Variants in GABRB3 observed in about 807,000 individuals in gnomAD.
GABRB3 encodes the protein gamma-aminobutyric acid type A receptor subunit beta3, also known as gamma-aminobutyric acid receptor subunit beta-3.
Under a neutral mutation model 52.1 loss-of-function variants are expected in GABRB3, and 14 were observed. The ratio of observed to expected loss-of-function variants is 0.27; its 90% CI spans 0.18 to 0.42. GABRB3 has a LOEUF of 0.42. Ranked by LOEUF, GABRB3 falls within the 10% of genes least tolerant of loss-of-function variation. The probability of loss-of-function intolerance (pLI) is 1.00; values close to 1 mark genes in which losing one functional copy is unlikely to be tolerated. For missense variants in GABRB3, 307 were observed against 609.1 expected, an observed-to-expected ratio of 0.50 and a Z score of 5.22; for synonymous variants, 260 against 232.3, an observed-to-expected ratio of 1.12 and a Z score of -1.08.
intron 3 of GABRB3, among the ~76,000 whole-genome samples, chr15:26,715,494 G>A (rs566632502): frequency 3.9e-5 from 6 of 152,232 alleles, no homozygotes; most frequent in African/African-American, 1.2e-4. Context: ...GCACAAAAAT[G>A]CCAAATTATG....
intron 3 of GABRB3, among the ~76,000 whole-genome samples, chr15:26,683,810 C>T (rs1224570812): frequency 6.6e-6 from 1 of 152,084 alleles, no homozygotes; most frequent in Non-Finnish European, 1.5e-5. Flanking sequence ...GAGTGGGGAC[C>T]TGGCTTGTGG....
chr15:26,657,880 A>G (rs1271987487), intron 3 of GABRB3, among the ~76,000 whole-genome samples: 1 of 152,210 alleles, frequency 6.6e-6, no homozygotes, highest in Non-Finnish European at 1.5e-5. Flanking sequence ...CTTTAAAACG[A>G]AGAAGATAAC....
At chr15:26,573,877 C>G (rs2140713777) in intron 6 of GABRB3, among the ~76,000 whole-genome samples, 1 of 152,166 alleles carries the variant, frequency 6.6e-6, no homozygotes, top group East Asian at 1.9e-4. Flanking sequence ...CAGTGAGACT[C>G]CATCTTTACA....
intron 3 of GABRB3, among the ~76,000 whole-genome samples, chr15:26,763,509 G>C (rs563043050): frequency 1.3e-5 from 2 of 152,028 alleles, no homozygotes; most frequent in South Asian, 4.2e-4. Context: ...CTCTCACATA[G>C]AGAATTACAG....
At chr15:26,577,105 T>C (rs757879529) in intron 6 of GABRB3, among the ~76,000 whole-genome samples, 8 of 151,956 alleles carry the variant, frequency 5.3e-5, no homozygotes, top group Non-Finnish European at 7.4e-5. Context: ...ACGTGTGTAA[T>C]TGGGGTTCTA....
chr15:26,587,842 T>A (rs770790238), intron 4 of GABRB3, among the ~76,000 whole-genome samples: 4 of 152,184 alleles, frequency 2.6e-5, no homozygotes, highest in Admixed American at 6.5e-5. Flanking sequence ...TTTTTCGTTC[T>A]GACAGAATAA....
At chr15:26,629,499 T>TG (rs1412411532) in intron 3 of GABRB3, among the ~76,000 whole-genome samples, 2 of 152,214 alleles carry the variant, frequency 1.3e-5, no homozygotes, top group East Asian at 3.9e-4. Flanking sequence ...ACCGAATGTG[T>TG]TGGCAGGAGG....
rs1242593328 is a variant in GABRB3, at chr15:26,621,789, C to T, written c.241-255G>A. 6.6e-6 allele frequency among the ~76,000 whole-genome samples: 1 copy of T among 152,150 alleles called. No individual in the cohort carries two copies. Among genetic ancestry groups the T allele is most frequent in the African/African-American group, 2.4e-5 (1 of 41,426 alleles). On this transcript the variant is annotated intron_variant, in intron 3 of 8. Coordinates refer to ENST00000311550, the MANE Select transcript of GABRB3 (RefSeq NM_000814.6). The surrounding 1 kb of genome is among the most constrained non-coding windows in gnomAD (Gnocchi z 4.1). The stretch of plus-strand genomic sequence containing the variant: ...TACTTAGGTTAAGAAGCAGACTAGA[C>T]AAACTGGCATTTAACAGATAACAGC...
chr15:26,748,053 C>T (rs1236795081), intron 3 of GABRB3, among the ~76,000 whole-genome samples: 1 of 147,332 alleles, frequency 6.8e-6, no homozygotes, highest in East Asian at 2.1e-4. Context: ...AACAGCCTTG[C>T]ACACCTGGAA....
At chr15:26,760,530 C>T (rs914811275) in intron 3 of GABRB3, among the ~76,000 whole-genome samples, 2 of 152,048 alleles carry the variant, frequency 1.3e-5, no homozygotes, top group African/African-American at 4.8e-5. Context: ...AATTAACATT[C>T]CAAACAGTTT....
intron 3 of GABRB3, among the ~76,000 whole-genome samples, chr15:26,744,180 AT>A (rs1179416268): frequency 6.6e-6 from 1 of 152,180 alleles, no homozygotes. Flanking sequence ...GCTCTTATCC[AT>A]GCAATTGGGC....
intron 7 of GABRB3, among the ~76,000 whole-genome samples, chr15:26,563,833 A>G (rs1350484820): frequency 1.3e-5 from 2 of 151,776 alleles, no homozygotes; most frequent in East Asian, 3.9e-4. Context: ...CTTTCTGTAA[A>G]TTGCTAGCCT....
intron 3 of GABRB3, among the ~76,000 whole-genome samples, chr15:26,622,343 G>T (rs1892514899): frequency 6.6e-6 from 1 of 151,670 alleles, no homozygotes; most frequent in African/African-American, 2.4e-5. Flanking sequence ...TCAGAGGCTA[G>T]ACATGGCAGA....
chr15:26,665,123 G>A (rs1205131310), intron 3 of GABRB3, among the ~76,000 whole-genome samples: 2 of 152,060 alleles, frequency 1.3e-5, no homozygotes, highest in African/African-American at 4.8e-5. Context: ...TATTTAAAAT[G>A]TTAAAATACA....
At chr15:26,769,135 A>G (rs1451487511) in intron 3 of GABRB3, among the ~76,000 whole-genome samples, 1 of 152,228 alleles carries the variant, frequency 6.6e-6, no homozygotes, top group African/African-American at 2.4e-5. Flanking sequence ...ATTATCTGTT[A>G]CTGTTCTCTG....
chr15:26,737,845 A>G (rs1381942248), intron 3 of GABRB3, among the ~76,000 whole-genome samples: 1 of 152,134 alleles, frequency 6.6e-6, no homozygotes, highest in Non-Finnish European at 1.5e-5. Context: ...AATAGTTCTG[A>G]AGACATGAAT....
intron 3 of GABRB3, among the ~76,000 whole-genome samples, chr15:26,737,617 ATGTGTG>A (rs138524604): frequency 2.7e-5 from 4 of 149,310 alleles, no homozygotes; most frequent in African/African-American, 7.4e-5. Flanking sequence ...ATTTACTACA[ATGTGTG>A]TGTGTGTGTG....
chr15:26,545,689 G>C lies in GABRB3; in HGVS notation c.*2104C>G, dbSNP rs992988226. Reference sequence around the variant, plus strand: ...TTCTTTAACATGATAATAATGATAAGGCCACTTAACAAGGTTTTTCCCAAT... The same window carrying C: ...TTCTTTAACATGATAATAATGATAACGCCACTTAACAAGGTTTTTCCCAAT... On this transcript the variant is annotated 3_prime_UTR_variant, in exon 9 of 9. Coordinates refer to ENST00000311550, the MANE Select transcript of GABRB3 (RefSeq NM_000814.6). 6.6e-6 allele frequency: 1 copy of C among 152,314 alleles called. No individual in the cohort carries two copies. The highest frequency in any genetic ancestry group is 2.4e-5 in the African/African-American group (1 of 41,368). The allele number at this position is 152,314 out of a possible 1,614,324, so 9.4% of individuals were successfully genotyped here.
chr15:26,662,364 G>C (rs1887578819), intron 3 of GABRB3, among the ~76,000 whole-genome samples: 1 of 152,116 alleles, frequency 6.6e-6, no homozygotes, highest in South Asian at 2.1e-4. Flanking sequence ...TTTATCCAAG[G>C]GGGTAAGCTC....
Sources: allele counts gnomAD v4.1 joint callset (sites outside exome capture counted in the v4.1 genomes callset), GRCh38; gene constraint gnomAD v4.1.1; non-coding constraint Gnocchi (gnomAD v3.1); transcripts MANE v1.5; gene names NCBI Gene and HGNC (gene_info 2026-07-23, HGNC 2026-07-21).